The following CUX1 variants were observed in gnomAD, a reference collection of about 807,000 sequenced individuals.
CUX1 encodes the protein cut like homeobox 1.
CUX1 carries 31 observed loss-of-function variants against 158.8 expected under a neutral mutation model. That is an observed-to-expected ratio of 0.20 (90% CI 0.15 to 0.26). The LOEUF (loss-of-function observed/expected upper bound fraction) is 0.26. CUX1 is among the 10% of genes least tolerant of loss of function. CUX1 has a pLI of 1.00. For missense variants in CUX1, 1,589 were observed against 2,014.6 expected (o/e 0.79, Z 4.04); for synonymous variants, 879 against 862.1 (o/e 1.02, Z -0.34).
At chr7:101,992,242 G>A (rs1206167401) in intron 2 of CUX1, among the ~76,000 whole-genome samples, 1 of 152,078 alleles carries the variant, frequency 6.6e-6, no homozygotes. Context: ...GGGTTGGGGG[G>A]CAACCTAAAA....
At chr7:101,816,199 C>A, upstream of CUX1, 1 of 346,564 alleles carries the variant, frequency 2.9e-6, no homozygotes, top group Non-Finnish European at 4.0e-6. Context: ...GGGCCCGCGG[C>A]GGCGGGGAGG....
chr7:102,256,871 T>A lies in CUX1; in HGVS notation c.*7829T>A. ...TTGATACGTTTTGGTTGGTTTTTTG[T>A]TGTTGTTTTTCTTGCGTACAAAGTT... On this transcript the variant is annotated 3_prime_UTR_variant, in exon 24 of 24. Coordinates refer to ENST00000292535, the MANE Select transcript of CUX1 (RefSeq NM_181552.4). The A allele has an allele frequency of 1.4e-5, 14 of 985,422 alleles. No individual in the cohort carries two copies. The highest frequency in any genetic ancestry group is 1.7e-5 in the Non-Finnish European group (14 of 829,912). 61.0% of individuals were successfully genotyped at this position (985,422 alleles called of 1,614,324 possible).
intron 2 of CUX1, among the ~76,000 whole-genome samples, chr7:101,937,020 G>A (rs867069030): frequency 6.6e-6 from 1 of 152,188 alleles, no homozygotes; most frequent in African/African-American, 2.4e-5. Flanking sequence ...TTTAGAACCA[G>A]CTCCTGGAAT....
At chr7:102,272,238 G>C (rs1260640616) in intron 14 of CUX1, among the ~76,000 whole-genome samples, 1 of 152,196 alleles carries the variant, frequency 6.6e-6, no homozygotes, top group Non-Finnish European at 1.5e-5. Context: ...GGTGAGGCTG[G>C]GCTGCCCCAT....
chr7:101,816,076 G>C, upstream of CUX1: 3 of 1,409,450 alleles, frequency 2.1e-6, no homozygotes, highest in Non-Finnish European at 2.8e-6. Context: ...GAAGCGCTTT[G>C]ATTTACAGCA....
At chr7:102,110,240 A>G (rs1424079745) in intron 6 of CUX1, among the ~76,000 whole-genome samples, 1 of 152,226 alleles carries the variant, frequency 6.6e-6, no homozygotes, top group African/African-American at 2.4e-5. Context: ...ACTATGCTAT[A>G]GTATATTTCA....
At chr7:101,936,345 C>T (rs1428096850) in intron 2 of CUX1, among the ~76,000 whole-genome samples, 4 of 151,912 alleles carry the variant, frequency 2.6e-5, no homozygotes, top group African/African-American at 4.8e-5. Context: ...TCAGGTGTGA[C>T]GGGGGTGGGG....
chr7:102,195,374 C>T (rs557187194), intron 13 of CUX1, 133 bp from the exon 14 acceptor site: 55 of 617,302 alleles, frequency 8.9e-5, no homozygotes, highest in African/African-American at 8.5e-4. Context: ...CTGTCCGCAG[C>T]CCACTTCCTA....
chr7:101,872,958 C>A (rs931532386), intron 1 of CUX1, among the ~76,000 whole-genome samples: 1 of 152,000 alleles, frequency 6.6e-6, no homozygotes, highest in African/African-American at 2.4e-5. Context: ...CTGCAACCTC[C>A]GCCTCCCAGG....
At position 102,009,316 on chromosome 7, in the gene CUX1, G is replaced by A. The variant is rs554338121; in HGVS notation, c.142-18782G>A. Reference sequence around the variant, plus strand: ...CTGACCGCACAAATGATGGTGTTAGGATCCCTCCACGGATGTGGCCAGGTG... The same window carrying A: ...CTGACCGCACAAATGATGGTGTTAGAATCCCTCCACGGATGTGGCCAGGTG... On this transcript the variant is annotated intron_variant, in intron 2 of 23. Transcript: ENST00000292535. Among the ~76,000 whole-genome samples the A allele has an allele frequency of 3.3e-5, 5 of 152,304 alleles. No individual in the cohort carries two copies. The East Asian group carries it at 7.7e-4, about 24-fold the overall frequency.
At chr7:101,961,515 A>G (rs1038427306) in intron 2 of CUX1, 7 of 152,196 alleles carry the variant, frequency 4.6e-5, no homozygotes, top group Non-Finnish European at 1.0e-4. Flanking sequence ...ATATTGATCA[A>G]TATAGAACAA....
At chr7:102,144,297 TG>T (rs1461161587) in intron 8 of CUX1, among the ~76,000 whole-genome samples, 2 of 152,160 alleles carry the variant, frequency 1.3e-5, no homozygotes, top group East Asian at 3.8e-4. Flanking sequence ...TCACTTTTTT[TG>T]TTGTCTTATT....
At chr7:102,272,168 C>T (rs1427246844) in intron 14 of CUX1, among the ~76,000 whole-genome samples, 1 of 152,196 alleles carries the variant, frequency 6.6e-6, no homozygotes, top group Non-Finnish European at 1.5e-5. Context: ...AAATGTGAAT[C>T]GTCTTTTCTG....
intron 1 of CUX1, among the ~76,000 whole-genome samples, chr7:101,864,101 C>CCAAT (rs1357990851): frequency 6.6e-6 from 1 of 151,852 alleles, no homozygotes; most frequent in Non-Finnish European, 1.5e-5. Flanking sequence ...TAAATTCCCA[C>CCAAT]CAATGGTGCA....
chr7:102,253,954 A>T lies in CUX1; in HGVS notation c.*4912A>T. 1 of 985,416 alleles carries T rather than the reference A, an allele frequency of 1.0e-6. No individual in the cohort carries two copies. Among genetic ancestry groups the T allele is most frequent in the Non-Finnish European group, 1.2e-6 (1 of 829,978 alleles). 61.0% of individuals were successfully genotyped at this position (985,416 alleles called of 1,614,324 possible). A position where few individuals can be genotyped will look rare whatever the true frequency, so the allele number is the denominator to read the frequency against. On this transcript the variant is annotated 3_prime_UTR_variant, in exon 24 of 24. Coordinates refer to ENST00000292535, the MANE Select transcript of CUX1 (RefSeq NM_181552.4). ...TCTACCTCACTAACCTGTCTTCTCC[A>T]TCTGATGTCACCCAGAACCACACCC...
At chr7:102,103,988 C>T (rs1563247715) in intron 5 of CUX1, among the ~76,000 whole-genome samples, 1 of 152,002 alleles carries the variant, frequency 6.6e-6, no homozygotes, top group African/African-American at 2.4e-5. Flanking sequence ...TTAATCATCC[C>T]TCAGTTACAG....
chr7:102,092,830 T>G (rs190423153), intron 4 of CUX1, among the ~76,000 whole-genome samples: 19 of 148,958 alleles, frequency 1.3e-4, no homozygotes, highest in African/African-American at 4.7e-4. Flanking sequence ...GGAGAATTGC[T>G]TGAACACGGG....
rs1828055953 is a variant in CUX1 at position 102,087,383 on chromosome 7, C to A, written c.269-9981C>A. The stretch of plus-strand genomic sequence containing the variant: ...ATCACCTGAGGTCAGCAGTTTTAGA[C>A]CAGCCTGACCAACATGGAGAAACCC... On this transcript the variant is annotated intron_variant, in intron 4 of 23. Transcript: ENST00000292535. Among the ~76,000 whole-genome samples, 7 of 152,178 alleles carry A rather than the reference C, an allele frequency of 4.6e-5. No homozygotes were observed. In the South Asian group the frequency reaches 1.0e-3, roughly 22 times the overall value.
chr7:101,892,644 G>A (rs10259964), intron 1 of CUX1, among the ~76,000 whole-genome samples: 31,827 of 152,016 alleles, frequency 0.21, 5,059 homozygotes, highest in East Asian at 0.84. Context: ...TATGTTGTTA[G>A]TGCTTATATA....
Sources: gnomAD v4.1 joint callset for allele counts (sites outside exome capture counted in the v4.1 genomes callset) on GRCh38, gnomAD v4.1.1 for gene constraint, MANE v1.5 for transcripts, NCBI Gene and HGNC (gene_info 2026-07-23, HGNC 2026-07-21) for gene names.